KCNN1: variants seen among roughly 807,000 people sequenced by gnomAD.
The protein encoded by KCNN1 is small conductance calcium-activated potassium channel protein 1.
KCNN1 carries 20 observed loss-of-function variants against 44.7 expected under a neutral mutation model. The observed-to-expected ratio is 0.45, with a 90% CI of 0.32 to 0.65. The LOEUF (loss-of-function observed/expected upper bound fraction) is 0.65. Among genes scored for constraint, KCNN1 ranks in the 30% least tolerant of loss-of-function variants. KCNN1 has a pLI of 0.05. For missense variants in KCNN1, 632 were observed against 785.3 expected (o/e 0.80, Z 2.33); for synonymous variants, 324 against 341.7 (o/e 0.95, Z 0.57).
Position 17,998,296 on chromosome 19 carries a change from C to A in KCNN1, c.1522C>A (p.Arg508Ser). ...GCCTGGCCTCATCGCCCAAGCCATA[C>A]GCCCACCCCCGCCTCCCCTGCCTCC... ...ALPGLIAQAI[R>S]PPPPPLPPRP... The change falls in exon 10 of 10, where the codon CGC becomes AGC. Residue 508 changes from arginine (R) to serine (S), a missense_variant. Coordinates refer to ENST00000684775, the MANE Select transcript of KCNN1 (RefSeq NM_001386974.1). The surrounding 1 kb of genome is among the most constrained non-coding windows in gnomAD (Gnocchi z 5.4). 6.5e-7 allele frequency: 1 copy of A among 1,544,300 alleles called. No individual in the cohort carries two copies. The highest frequency in any genetic ancestry group is 8.7e-7 in the Non-Finnish European group (1 of 1,149,892).
At chr19:17,987,709 T>G (rs1260740252) in intron 5 of KCNN1, among the ~76,000 whole-genome samples, 1 of 151,416 alleles carries the variant, frequency 6.6e-6, no homozygotes, top group African/African-American at 2.4e-5. Flanking sequence ...TAAACCTGCC[T>G]GGGGCTGGGC....
In KCNN1 at chr19:17,982,084, TC is replaced by T; in HGVS notation, c.876del (p.Ser293ProfsTer21). On this transcript the variant is annotated frameshift_variant, in exon 4 of 10. Transcript: ENST00000684775. LOFTEE classifies it high-confidence loss of function. Reference protein sequence around the residue: ...PGTVLLVFSISSWIIAAWTVR... With the variant: ...PGTVLLVFSIXSWIIAAWTVR... Reference sequence around the variant, plus strand: ...CACCGTGCTGCTGGTCTTCAGCATCTCCTCCTGGATCATCGCAGCCTGGACC... The same window carrying T: ...CACCGTGCTGCTGGTCTTCAGCATCTCTCCTGGATCATCGCAGCCTGGACC... 6.2e-7 allele frequency: 1 copy of T among 1,604,474 alleles called. No individual in the cohort carries two copies. Among genetic ancestry groups the T allele is most frequent in the Non-Finnish European group, 8.5e-7 (1 of 1,176,528 alleles).
chr19:17,961,582 C>CTCT (rs1914639439), intron 2 of KCNN1, among the ~76,000 whole-genome samples: 1 of 101,310 alleles, frequency 9.9e-6, no homozygotes, highest in Non-Finnish European at 1.9e-5. Context: ...TTCTTTCTTT[C>CTCT]TTTCTTTTTT....
At chr19:17,966,518 G>A (rs988458272), upstream of KCNN1, among the ~76,000 whole-genome samples, 2 of 152,182 alleles carry the variant, frequency 1.3e-5, no homozygotes, top group African/African-American at 2.4e-5. Context: ...TGTCATCCTG[G>A]AAATGGGTGT....
At chr19:17,961,915 T>A (rs2031691505) in intron 2 of KCNN1, among the ~76,000 whole-genome samples, 1 of 145,762 alleles carries the variant, frequency 6.9e-6, no homozygotes, top group Non-Finnish European at 1.5e-5. Context: ...TCAAATAAGG[T>A]CCAAGGTTCT....
chr19:17,995,522 A>C (rs2032955402), intron 9 of KCNN1, among the ~76,000 whole-genome samples: 1 of 152,072 alleles, frequency 6.6e-6, no homozygotes, highest in Non-Finnish European at 1.5e-5. Context: ...GAAGATATAC[A>C]GTTAACTCTC....
intron 9 of KCNN1, among the ~76,000 whole-genome samples, chr19:17,997,312 G>A (rs569832148): frequency 3.9e-5 from 6 of 152,058 alleles, no homozygotes; most frequent in South Asian, 2.1e-4. Context: ...ATGTCCCCAC[G>A]CTCCTGCTGT....
chr19:17,998,408 G>T lies in KCNN1; in HGVS notation c.*2G>T. ...GTGGCCCCCTCGGACTGCGGGTGAC[G>T]GCCCTGCCCGCCACCAGACCCCTAA... On this transcript the variant is annotated 3_prime_UTR_variant, in exon 10 of 10. Transcript: ENST00000684775. The surrounding 1 kb of genome is among the most constrained non-coding windows in gnomAD (Gnocchi z 5.4). The T allele has an allele frequency of 6.8e-7, 1 of 1,467,394 alleles. No homozygotes were observed. Among genetic ancestry groups the T allele is most frequent in the Non-Finnish European group, 9.0e-7 (1 of 1,116,392 alleles). The allele number at this position is 1,467,394 out of a possible 1,614,324, so 90.9% of individuals were successfully genotyped here. A position where few individuals can be genotyped will look rare whatever the true frequency, so the allele number is the denominator to read the frequency against.
chr19:17,965,623 T>G (rs1404958588), upstream of KCNN1, among the ~76,000 whole-genome samples: 2 of 152,070 alleles, frequency 1.3e-5, no homozygotes, highest in Non-Finnish European at 2.9e-5. Context: ...GAGGGGTGGC[T>G]GGTTCTCAGG....
intron 3 of KCNN1, among the ~76,000 whole-genome samples, chr19:17,977,074 G>A (rs1019373755): frequency 4.6e-5 from 7 of 152,034 alleles, no homozygotes; most frequent in African/African-American, 1.2e-4. Flanking sequence ...TTGTCTGAAA[G>A]TCTGGAGTAT....
At chr19:17,968,113 G>A (rs1237668952) in intron 1 of KCNN1, among the ~76,000 whole-genome samples, 1 of 150,506 alleles carries the variant, frequency 6.6e-6, no homozygotes, top group Non-Finnish European at 1.5e-5. Context: ...CGGGAAGGGG[G>A]ATCCTCGGAG....
At chr19:17,988,858 C>T (rs1441121878) in intron 6 of KCNN1, among the ~76,000 whole-genome samples, 1 of 151,694 alleles carries the variant, frequency 6.6e-6, no homozygotes, top group Admixed American at 6.6e-5. Flanking sequence ...CTGCAATAAG[C>T]CAAGATGGCA....
At chr19:17,951,588 C>T (rs943641285) in intron 1 of KCNN1, among the ~76,000 whole-genome samples, 6 of 152,164 alleles carry the variant, frequency 3.9e-5, no homozygotes, top group Non-Finnish European at 8.8e-5. Context: ...CCACCCAAGC[C>T]CGGGCCAGTC....
At position 17,961,680 on chromosome 19, in the gene KCNN1, C is replaced by G. The variant is rs147881758; in HGVS notation, c.-82+6999C>G. Among the ~76,000 whole-genome samples, 330 of 150,264 alleles carry G rather than the reference C, an allele frequency of 2.2e-3. 1 individual carries two copies. The highest frequency in any genetic ancestry group is 7.7e-3 in the African/African-American group (315 of 40,894). On this transcript the variant is annotated intron_variant, in intron 2 of 10. Coordinates refer to the KCNN1 transcript ENST00000222249. ...CACTGCAACCTCTGCCTCCCAGGTT[C>G]AAGCAGTTCTCCTGCCTCAGCACCC...
chr19:17,989,851 C>T lies in KCNN1; in HGVS notation c.1298+8C>T. ...CCTCCAAGCCATCCATCAGTAAGTC[C>T]AGCACCTTTCCAGCTCACGTTTCTG... On this transcript the variant is annotated splice_region_variant and intron_variant, in intron 7 of 9. Transcript: ENST00000684775. 1 of 1,612,364 alleles carries T rather than the reference C, an allele frequency of 6.2e-7. No homozygotes were observed. The highest frequency in any genetic ancestry group is 8.5e-7 in the Non-Finnish European group (1 of 1,179,156).
intron 4 of KCNN1, among the ~76,000 whole-genome samples, chr19:17,984,875 G>C (rs780961107): frequency 6.6e-6 from 1 of 151,964 alleles, no homozygotes; most frequent in African/African-American, 2.4e-5. Context: ...TTCTTCACTC[G>C]AGCCCCAGGT....
At chr19:17,967,103 G>T (rs1347677511), upstream of KCNN1, 9 of 979,854 alleles carry the variant, frequency 9.2e-6, no homozygotes, top group African/African-American at 1.8e-5. Flanking sequence ...CTCCCGGCCC[G>T]GGCGGGCGCT....
In KCNN1 at chr19:17,998,497, A is replaced by G; in HGVS notation, c.*91A>G. On this transcript the variant is annotated 3_prime_UTR_variant, in exon 10 of 10. Transcript: ENST00000684775. The surrounding 1 kb of genome is among the most constrained non-coding windows in gnomAD (Gnocchi z 5.4). Reference sequence around the variant, plus strand: ...TGTACAGTGGCGCCTCTTGGAGTTCAAGAAGCCAACGCTGAGTCAGGCTGA... The same window carrying G: ...TGTACAGTGGCGCCTCTTGGAGTTCGAGAAGCCAACGCTGAGTCAGGCTGA... 1 of 1,293,184 alleles carries G rather than the reference A, an allele frequency of 7.7e-7. No individual in the cohort carries two copies. 80.1% of individuals were successfully genotyped at this position (1,293,184 alleles called of 1,614,324 possible). A position where few individuals can be genotyped will look rare whatever the true frequency, so the allele number is the denominator to read the frequency against.
In KCNN1 at chr19:17,970,811, C is replaced by T. The variant is rs563330684; in HGVS notation, c.-81-2997C>T. Among the ~76,000 whole-genome samples the T allele has an allele frequency of 1.2e-4, 18 of 152,170 alleles. No individual in the cohort carries two copies. The East Asian group carries it at 3.3e-3, about 28-fold the overall frequency. Reference sequence around the variant, plus strand: ...GGGACAGACACAGTGTGGGGGGTGCCGGACAAAGGCATAGGTGGTCCTGCA... The same window carrying T: ...GGGACAGACACAGTGTGGGGGGTGCTGGACAAAGGCATAGGTGGTCCTGCA... On this transcript the variant is annotated intron_variant, in intron 1 of 9. Transcript: ENST00000684775.
Sources: allele counts gnomAD v4.1 joint callset (sites outside exome capture counted in the v4.1 genomes callset), GRCh38; gene constraint gnomAD v4.1.1; non-coding constraint Gnocchi (gnomAD v3.1); transcripts MANE v1.5; gene names NCBI Gene and HGNC (gene_info 2026-07-23, HGNC 2026-07-21).